The following MAST4 variants were observed in gnomAD, a reference collection of about 807,000 sequenced individuals.
The protein encoded by MAST4 is microtubule-associated serine/threonine-protein kinase 4.
In MAST4, 89 loss-of-function variants were observed where a neutral mutation model predicts 162.7. The observed-to-expected ratio is 0.55, with a 90% CI of 0.46 to 0.65. MAST4 has a LOEUF of 0.65. Among genes scored for constraint, MAST4 ranks in the 30% least tolerant of loss-of-function variants. The probability of loss-of-function intolerance (pLI) is 0.00; values close to 1 mark genes in which losing one functional copy is unlikely to be tolerated. For synonymous variants in MAST4, 1,479 were observed against 1,361.1 expected, an observed-to-expected ratio of 1.09 and a Z score of -1.91; for missense variants, 3,153 against 3,374.0, an observed-to-expected ratio of 0.93 and a Z score of 1.62.
intron 1 of MAST4, among the ~76,000 whole-genome samples, chr5:66,679,810 G>T (rs79137751): frequency 0.025 from 3,728 of 152,096 alleles, 156 homozygotes; most frequent in African/African-American, 0.086. Context: ...ACCCTGCCAC[G>T]TGCACAACTA....
chr5:67,141,703 T>G (rs1299580749), intron 19 of MAST4, among the ~76,000 whole-genome samples: 2 of 152,240 alleles, frequency 1.3e-5, no homozygotes, highest in Non-Finnish European at 2.9e-5. Flanking sequence ...ATATTCACTT[T>G]ACCTCCAGAG....
Position 67,123,484 on chromosome 5 carries a change from C to A in MAST4, c.1745+2382C>A, listed in dbSNP as rs374408734. On this transcript the variant is annotated intron_variant, in intron 14 of 28. Transcript: ENST00000403625. ...CTGTGCTGGTTTCTTTATATATATT[C>A]TCTTCTCACAAGAGCCCTTGTATGG... Among the ~76,000 whole-genome samples, 9 of 152,170 alleles carry A rather than the reference C, an allele frequency of 5.9e-5. No homozygotes were observed. In the East Asian group the frequency reaches 1.2e-3, roughly 20 times the overall value.
At position 66,777,919 on chromosome 5, in the gene MAST4, T is replaced by C. The variant is rs551079594; in HGVS notation, c.518-10751T>C. ...TCTATTTATTTGCTGTTTCCTTCCA[T>C]ATATCTTGCCAGCAGCATTCATCAA... On this transcript the variant is annotated intron_variant, in intron 2 of 28. Coordinates refer to ENST00000403625, the MANE Select transcript of MAST4 (RefSeq NM_001164664.2). Among the ~76,000 whole-genome samples the C allele has an allele frequency of 2.8e-4, 42 of 152,306 alleles. 1 individual carries two copies. Among genetic ancestry groups the C allele is most frequent in the Non-Finnish European group, 5.9e-5 (4 of 68,016 alleles).
chr5:67,157,099 G>A (rs772146241), intron 26 of MAST4, among the ~76,000 whole-genome samples: 1 of 152,184 alleles, frequency 6.6e-6, no homozygotes, highest in African/African-American at 2.4e-5. Context: ...AGTTAATTGT[G>A]GGTAAATCGA....
chr5:66,652,207 G>A (rs543759977), intron 1 of MAST4, among the ~76,000 whole-genome samples: 12 of 152,258 alleles, frequency 7.9e-5, no homozygotes, highest in South Asian at 4.1e-4. Flanking sequence ...CTGGGCACTA[G>A]CACACAATAT....
intron 7 of MAST4, among the ~76,000 whole-genome samples, chr5:67,096,392 A>G (rs1764474473): frequency 6.6e-6 from 1 of 152,194 alleles, no homozygotes; most frequent in African/African-American, 2.4e-5. Flanking sequence ...CAAGGTGGTC[A>G]TTTAGAAGGG....
At chr5:66,603,753 C>G (rs901188833) in intron 1 of MAST4, among the ~76,000 whole-genome samples, 2 of 152,160 alleles carry the variant, frequency 1.3e-5, no homozygotes, top group Admixed American at 1.3e-4. Flanking sequence ...ATAACTCAAG[C>G]TGGTGCAGTG....
At chr5:66,750,805 A>G (rs766354260) in intron 1 of MAST4, among the ~76,000 whole-genome samples, 76 of 152,228 alleles carry the variant, frequency 5.0e-4, no homozygotes, top group Non-Finnish European at 8.8e-4. Context: ...CAGCTCAAGG[A>G]GGCCTGCCTG....
intron 3 of MAST4, among the ~76,000 whole-genome samples, chr5:66,813,839 C>G (rs2149718617): frequency 6.6e-6 from 1 of 152,280 alleles, no homozygotes; most frequent in African/African-American, 2.4e-5. Flanking sequence ...ATGTTAGATG[C>G]AAATCTAGTA....
chr5:66,842,902 T>G (rs1758527000), intron 3 of MAST4, among the ~76,000 whole-genome samples: 2 of 152,178 alleles, frequency 1.3e-5, no homozygotes, highest in South Asian at 4.1e-4. Flanking sequence ...TCCGCTTGTA[T>G]GTCTAGATAA....
intron 3 of MAST4, among the ~76,000 whole-genome samples, chr5:66,878,518 T>TA (rs1359663703): frequency 6.6e-6 from 1 of 152,240 alleles, no homozygotes; most frequent in African/African-American, 2.4e-5. Flanking sequence ...TCAGACCAGT[T>TA]AATCTCTGTA....
intron 4 of MAST4, among the ~76,000 whole-genome samples, chr5:66,944,290 G>C (rs1743719842): frequency 6.6e-6 from 1 of 151,994 alleles, no homozygotes; most frequent in Admixed American, 6.6e-5. Flanking sequence ...TTGCTTCAAA[G>C]GTCACCATCT....
At chr5:67,041,717 C>A (rs766028913) in intron 4 of MAST4, among the ~76,000 whole-genome samples, 1 of 152,238 alleles carries the variant, frequency 6.6e-6, no homozygotes, top group Non-Finnish European at 1.5e-5. Flanking sequence ...CAACCTCCGC[C>A]TCCCAGGTTC....
intron 4 of MAST4, among the ~76,000 whole-genome samples, chr5:66,969,774 C>T (rs571688389): frequency 2.3e-4 from 35 of 152,312 alleles, no homozygotes; most frequent in African/African-American, 7.9e-4. Context: ...CTGGGAAAGT[C>T]ACCTGACGGC....
intron 4 of MAST4, among the ~76,000 whole-genome samples, chr5:67,007,526 T>C (rs949966820): frequency 1.3e-5 from 2 of 152,382 alleles, no homozygotes; most frequent in Admixed American, 6.5e-5. Flanking sequence ...CTGTTTGTTC[T>C]GATTAACATT....
chr5:66,655,993 T>C (rs540390857), intron 1 of MAST4, among the ~76,000 whole-genome samples: 2 of 152,324 alleles, frequency 1.3e-5, no homozygotes, highest in African/African-American at 4.8e-5. Context: ...ATTTAATGGC[T>C]TTGAAAGTTC....
At position 67,165,737 on chromosome 5, in the gene MAST4, C is replaced by G. The variant is rs1561210606; in HGVS notation, c.6558C>G (p.His2186Gln). Residue 2186 changes from histidine (H) to glutamine (Q), a missense_variant, in exon 29 of 29, where the codon CAC (histidine) becomes CAG (glutamine). By Grantham distance (24) the His-to-Gln change is conservative. Transcript: ENST00000403625. ...PQDPPKPVAAHSESSSHKPRP... is the reference protein window; with the variant it reads ...PQDPPKPVAAQSESSSHKPRP... ...ACCCTCCCAAGCCTGTTGCTGCGCA[C>G]AGTGAAAGCAGCAGCCACAAGCCCC... 6.3e-7 allele frequency: 1 copy of G among 1,578,882 alleles called. No homozygotes were observed. Among genetic ancestry groups the G allele is most frequent in the Non-Finnish European group, 8.6e-7 (1 of 1,163,544 alleles).
Position 66,625,535 on chromosome 5 carries a change from A to G in MAST4, c.363+28517A>G, listed in dbSNP as rs537592109. On this transcript the variant is annotated intron_variant, in intron 1 of 28. Transcript: ENST00000403625. ...CCAATTAAACGGGCAAAGTACCTAA[A>G]TAGGTACTTGTCAAAAGAGAAAATT... Among the ~76,000 whole-genome samples, 11 of 152,324 alleles carry G rather than the reference A, an allele frequency of 7.2e-5. No homozygotes were observed. In the East Asian group the frequency reaches 1.5e-3, roughly 21 times the overall value.
At chr5:67,132,950 C>T (rs1769172335) in intron 16 of MAST4, among the ~76,000 whole-genome samples, 1 of 151,980 alleles carries the variant, frequency 6.6e-6, no homozygotes, top group Non-Finnish European at 1.5e-5. Flanking sequence ...ACCGTATATA[C>T]TATTTAAACT....
Sources: allele counts gnomAD v4.1 joint callset (sites outside exome capture counted in the v4.1 genomes callset), GRCh38; gene constraint gnomAD v4.1.1; transcripts MANE v1.5; gene names NCBI Gene and HGNC (gene_info 2026-07-23, HGNC 2026-07-21).